Variants in CTBP2 observed in about 807,000 individuals in gnomAD.
The protein encoded by CTBP2 is C-terminal binding protein 2, also known as C-terminal-binding protein 2.
A neutral mutation model predicts 80.3 loss-of-function variants in CTBP2; 30 were observed. The observed-to-expected ratio is 0.37, with a 90% confidence interval of 0.28 to 0.51. CTBP2 has a LOEUF of 0.51. CTBP2 is among the 20% of genes least tolerant of loss of function. The probability of loss-of-function intolerance (pLI) is 0.93; values close to 1 mark genes in which losing one functional copy is unlikely to be tolerated. For missense variants in CTBP2, 1,212 were observed against 1,375.3 expected, an observed-to-expected ratio of 0.88 and a Z score of 1.88; for synonymous variants, 594 against 587.4, an observed-to-expected ratio of 1.01 and a Z score of -0.16.
chr10:125,036,669 GTGTGT>G (rs1297687508), intron 3 of CTBP2, among the ~76,000 whole-genome samples: 7 of 4,976 alleles, frequency 1.4e-3, no homozygotes, highest in African/African-American at 4.7e-3. Context: ...GCTAGAGGGG[GTGTGT>G]GTGTGTGTGT....
At chr10:125,147,291 T>A (rs1455112996) in intron 1 of CTBP2, among the ~76,000 whole-genome samples, 1 of 152,234 alleles carries the variant, frequency 6.6e-6, no homozygotes, top group African/African-American at 2.4e-5. Context: ...AGGCTTCACC[T>A]GGGCAGGGTG....
intron 1 of CTBP2, among the ~76,000 whole-genome samples, chr10:125,152,086 G>A (rs1448679253): frequency 6.6e-6 from 1 of 152,142 alleles, no homozygotes; most frequent in East Asian, 1.9e-4. Context: ...CCCTGCGGGG[G>A]GAAGAGGGCA....
intron 3 of CTBP2, chr10:125,000,726 C>T (rs1365952136): frequency 6.6e-6 from 1 of 152,284 alleles, no homozygotes; most frequent in East Asian, 1.9e-4. Flanking sequence ...CCTCGTGCAA[C>T]ATGGAGGGCC....
Position 124,987,722 on chromosome 10 carries a change from C to T in CTBP2, c.*1796G>A, listed in dbSNP as rs188789917. 1 of 152,246 alleles carries T rather than the reference C, an allele frequency of 6.6e-6. No individual in the cohort carries two copies. Among genetic ancestry groups the T allele is most frequent in the East Asian group, 1.9e-4 (1 of 5,178 alleles). 9.4% of individuals were successfully genotyped at this position (152,246 alleles called of 1,614,324 possible). On this transcript the variant is annotated 3_prime_UTR_variant, in exon 9 of 9. Transcript: ENST00000309035. ...CTTAAAATGAGTGAGCAGACAAGGC[C>T]AGGCAAGCCAAAGGCTTTAAGACAC... is the stretch of plus-strand genomic sequence containing the variant.
At chr10:125,013,259 C>T (rs888677851) in intron 1 of CTBP2, among the ~76,000 whole-genome samples, 3 of 152,012 alleles carry the variant, frequency 2.0e-5, no homozygotes, top group African/African-American at 7.3e-5. Context: ...GCCAAGGGGC[C>T]GCCTGGGATA....
intron 1 of CTBP2, among the ~76,000 whole-genome samples, chr10:125,156,104 C>G (rs946417084): frequency 1.3e-5 from 2 of 152,140 alleles, no homozygotes; most frequent in Non-Finnish European, 2.9e-5. Flanking sequence ...TTTTTAGTTA[C>G]TACAAAAATA....
intron 2 of CTBP2, among the ~76,000 whole-genome samples, chr10:125,092,996 G>A (rs1469718064): frequency 2.6e-5 from 4 of 152,096 alleles, no homozygotes; most frequent in Admixed American, 6.5e-5. Context: ...CAACCGTTAC[G>A]TGGTGCTTGA....
At chr10:125,123,506 A>C (rs951537785) in intron 1 of CTBP2, among the ~76,000 whole-genome samples, 1 of 152,194 alleles carries the variant, frequency 6.6e-6, no homozygotes, top group Non-Finnish European at 1.5e-5. Flanking sequence ...AAATAAGTTT[A>C]ATTTTTAAAA....
chr10:125,120,950 A>T (rs192221089), intron 1 of CTBP2, among the ~76,000 whole-genome samples: 3 of 152,324 alleles, frequency 2.0e-5, no homozygotes, highest in Admixed American at 2.0e-4. Flanking sequence ...TGACTCTCTC[A>T]CATTGCCTTC....
At chr10:125,025,981 GGTGA>G (rs1957492612) in intron 1 of CTBP2, 3 of 1,422,300 alleles carry the variant, frequency 2.1e-6, no homozygotes, top group Non-Finnish European at 2.9e-6. Flanking sequence ...TGTGTGGCCT[GGTGA>G]GTGAGGACTT....
chr10:125,001,214 A>C (rs1313509530), intron 3 of CTBP2: 1 of 152,278 alleles, frequency 6.6e-6, no homozygotes, highest in African/African-American at 2.4e-5. Flanking sequence ...TCTCCCTGGA[A>C]AGCAGCGTCT....
intron 2 of CTBP2, among the ~76,000 whole-genome samples, chr10:125,076,500 C>T (rs957672137): frequency 1.2e-4 from 18 of 152,226 alleles, no homozygotes; most frequent in Non-Finnish European, 2.1e-4. Flanking sequence ...TCCCCAGGAA[C>T]TCGGCCACCT....
At chr10:125,048,977 C>T (rs1961964517) in intron 2 of CTBP2, among the ~76,000 whole-genome samples, 1 of 151,464 alleles carries the variant, frequency 6.6e-6, no homozygotes, top group African/African-American at 2.4e-5. Context: ...CCAACTTTCC[C>T]CAGGAATTGA....
chr10:125,089,992 A>G (rs1848533081), intron 2 of CTBP2, among the ~76,000 whole-genome samples: 1 of 152,150 alleles, frequency 6.6e-6, no homozygotes, highest in African/African-American at 2.4e-5. Flanking sequence ...CCTGGGGGCC[A>G]AGGGGCCCCA....
chr10:125,067,267 T>G (rs888824608), intron 2 of CTBP2, among the ~76,000 whole-genome samples: 1 of 152,082 alleles, frequency 6.6e-6, no homozygotes, highest in Non-Finnish European at 1.5e-5. Flanking sequence ...AAGGAAAGAC[T>G]GTGAAACTGC....
intron 2 of CTBP2, among the ~76,000 whole-genome samples, chr10:125,079,232 C>T (rs1409009191): frequency 6.6e-6 from 1 of 151,382 alleles, no homozygotes; most frequent in East Asian, 1.9e-4. Flanking sequence ...CCCGGGATAT[C>T]ACCCGGCTCC....
intron 2 of CTBP2, among the ~76,000 whole-genome samples, chr10:125,089,907 G>C (rs890214632): frequency 6.6e-6 from 1 of 152,202 alleles, no homozygotes; most frequent in Non-Finnish European, 1.5e-5. Context: ...TCCCCTGGAA[G>C]TCTGCACACT....
intron 4 of CTBP2, chr10:124,996,917 G>A: frequency 6.6e-6 from 1 of 152,276 alleles, no homozygotes; most frequent in East Asian, 1.9e-4. Context: ...CAGACTCCAG[G>A]CGTCGGGCGA....
At chr10:125,126,509 G>A (rs560660220) in intron 1 of CTBP2, among the ~76,000 whole-genome samples, 2 of 152,310 alleles carry the variant, frequency 1.3e-5, no homozygotes, top group African/African-American at 2.4e-5. Context: ...ACTGACGTGT[G>A]GTACAGCTGA....
Sources: allele counts gnomAD v4.1 joint callset (sites outside exome capture counted in the v4.1 genomes callset), GRCh38; gene constraint gnomAD v4.1.1; transcripts MANE v1.5; gene names NCBI Gene and HGNC (gene_info 2026-07-23, HGNC 2026-07-21).